Variants in PYGO1 observed in about 807,000 individuals in gnomAD.
PYGO1 encodes pygopus family PHD finger 1, also known as pygopus homolog 1.
In PYGO1, 6 loss-of-function variants were observed where a neutral mutation model predicts 29.5. The ratio of observed to expected loss-of-function variants is 0.20; its 90% CI spans 0.11 to 0.40. The LOEUF (loss-of-function observed/expected upper bound fraction) is 0.40. PYGO1 is among the 10% of genes least tolerant of loss of function. The pLI is 1.00. For synonymous variants in PYGO1, 186 were observed against 180.5 expected (o/e 1.03, Z -0.24); for missense variants, 515 against 514.9 (o/e 1.00, Z 0.00).
intron 1 of PYGO1, among the ~76,000 whole-genome samples, chr15:55,553,060 C>G (rs916473561): frequency 2.0e-5 from 3 of 152,212 alleles, no homozygotes; most frequent in African/African-American, 7.2e-5. Flanking sequence ...CCTGCTGGCA[C>G]TGGGGAGTCC....
chr15:55,548,935 T>G lies in PYGO1; in HGVS notation c.110A>C (p.Lys37Thr). ...GPGVQLGSPDKKKRKANTQGP... is the reference protein window; with the variant it reads ...GPGVQLGSPDTKKRKANTQGP... Reference sequence around the variant, plus strand: ...CTGTGTATTTGCCTTGCGCTTTTTCTTATCTGGGCTTCCTAGTTGTACACC... The same window carrying G: ...CTGTGTATTTGCCTTGCGCTTTTTCGTATCTGGGCTTCCTAGTTGTACACC... Residue 37 changes from lysine to threonine, a missense_variant, in exon 2 of 3, where the codon AAG becomes ACG. Coordinates refer to ENST00000563719, the MANE Select transcript of PYGO1 (RefSeq NM_001367806.1). 1 of 1,613,116 alleles carries G rather than the reference T, an allele frequency of 6.2e-7. No homozygotes were observed. The highest frequency in any genetic ancestry group is 8.5e-7 in the Non-Finnish European group (1 of 1,179,576).
chr15:55,580,070 G>A (rs1175801425), intron 1 of PYGO1, among the ~76,000 whole-genome samples: 2 of 152,124 alleles, frequency 1.3e-5, no homozygotes, highest in East Asian at 3.9e-4. Context: ...GAGAGTAGGT[G>A]GATGGTATTC....
In PYGO1 at chr15:55,544,288, G is replaced by A. The variant is rs1177336866; in HGVS notation, c.*1735C>T. 2.0e-5 allele frequency: 3 copies of A among 152,124 alleles called. No individual in the cohort carries two copies. Among genetic ancestry groups the A allele is most frequent in the African/African-American group, 7.2e-5 (3 of 41,426 alleles). 9.4% of individuals were successfully genotyped at this position (152,124 alleles called of 1,614,324 possible). Reference sequence around the variant, plus strand: ...GTTTTCTTCCAACAGAATATTAAAGGTCTAACTTTTATAAAATTCATCATT... The same window carrying A: ...GTTTTCTTCCAACAGAATATTAAAGATCTAACTTTTATAAAATTCATCATT... On this transcript the variant is annotated 3_prime_UTR_variant, in exon 3 of 3. Coordinates refer to ENST00000563719, the MANE Select transcript of PYGO1 (RefSeq NM_001367806.1).
At chr15:55,547,415 A>G (rs1367891208) in intron 2 of PYGO1, among the ~76,000 whole-genome samples, 1 of 152,228 alleles carries the variant, frequency 6.6e-6, no homozygotes, top group Non-Finnish European at 1.5e-5. Flanking sequence ...TTCAAAAACC[A>G]AAAGTAGTTA....
chr15:55,554,373 G>A (rs2058893627), intron 1 of PYGO1, among the ~76,000 whole-genome samples: 1 of 151,648 alleles, frequency 6.6e-6, no homozygotes, highest in African/African-American at 2.4e-5. Flanking sequence ...GGAGGCTGAG[G>A]TGGGAGAATG....
At chr15:55,571,061 T>C (rs907951091) in intron 1 of PYGO1, among the ~76,000 whole-genome samples, 37 of 152,056 alleles carry the variant, frequency 2.4e-4, no homozygotes, top group Non-Finnish European at 5.9e-5. Context: ...CATCTACTTT[T>C]AGCTTTTATG....
At chr15:55,558,535 G>T (rs904821146) in intron 1 of PYGO1, among the ~76,000 whole-genome samples, 44 of 151,936 alleles carry the variant, frequency 2.9e-4, no homozygotes, top group African/African-American at 1.1e-3. Flanking sequence ...AGCCCACATT[G>T]CCAAGACAAT....
intron 1 of PYGO1, among the ~76,000 whole-genome samples, chr15:55,557,049 T>C (rs1054036902): frequency 3.3e-5 from 5 of 151,858 alleles, no homozygotes; most frequent in Non-Finnish European, 5.9e-5. Context: ...TACAGCCAAA[T>C]TCTACCAGAG....
chr15:55,583,236 G>T lies in PYGO1; in HGVS notation c.49+4599C>A, dbSNP rs182306392. 3.3e-3 allele frequency among the ~76,000 whole-genome samples: 502 copies of T among 152,086 alleles called. 4 individuals are homozygous for T. Among genetic ancestry groups the T allele is most frequent in the Non-Finnish European group, 6.1e-3 (414 of 67,974 alleles). ...CTACTGGAATGATTGTATAGCACAT[G>T]GTCTATATTTTTTAAACATGTATTG... is the stretch of plus-strand genomic sequence containing the variant. On this transcript the variant is annotated intron_variant, in intron 1 of 2. Coordinates refer to ENST00000563719, the MANE Select transcript of PYGO1 (RefSeq NM_001367806.1).
At chr15:55,554,962 C>T (rs547608876) in intron 1 of PYGO1, among the ~76,000 whole-genome samples, 2 of 152,130 alleles carry the variant, frequency 1.3e-5, no homozygotes, top group South Asian at 2.1e-4. Context: ...GAGAACATCC[C>T]CAACCTAGCA....
chr15:55,582,237 G>C (rs11638846), intron 1 of PYGO1, among the ~76,000 whole-genome samples: 12,643 of 148,834 alleles, frequency 0.085, 680 homozygotes, highest in African/African-American at 0.14. Context: ...TAAGGAGACA[G>C]AAATTCTAGG....
At chr15:55,582,035 G>A (rs984692745) in intron 1 of PYGO1, among the ~76,000 whole-genome samples, 2 of 151,702 alleles carry the variant, frequency 1.3e-5, no homozygotes, top group Admixed American at 1.3e-4. Flanking sequence ...GATGAAATCA[G>A]CCCTCTACTA....
At chr15:55,581,102 T>C (rs1486721157) in intron 1 of PYGO1, among the ~76,000 whole-genome samples, 1 of 152,174 alleles carries the variant, frequency 6.6e-6, no homozygotes, top group African/African-American at 2.4e-5. Context: ...AACACTATGA[T>C]AGAGATAAGC....
chr15:55,574,648 ATGTGTG>A (rs56305536), intron 1 of PYGO1, among the ~76,000 whole-genome samples: 57,029 of 150,802 alleles, frequency 0.38, 13,560 homozygotes, highest in Non-Finnish European at 0.54. Flanking sequence ...TATACTGTAT[ATGTGTG>A]TGTGTGTGTG....
chr15:55,571,401 T>TA (rs1442779924), intron 1 of PYGO1, among the ~76,000 whole-genome samples: 1 of 152,216 alleles, frequency 6.6e-6, no homozygotes, highest in Non-Finnish European at 1.5e-5. Flanking sequence ...TTGGAGAGTT[T>TA]ATCCTATGAT....
chr15:55,573,767 C>T (rs2058989751), intron 1 of PYGO1, among the ~76,000 whole-genome samples: 1 of 152,042 alleles, frequency 6.6e-6, no homozygotes, highest in Non-Finnish European at 1.5e-5. Context: ...GACTGGAAGC[C>T]TTAACAGATA....
chr15:55,561,191 C>A (rs1595986549), intron 1 of PYGO1, among the ~76,000 whole-genome samples: 1 of 152,192 alleles, frequency 6.6e-6, no homozygotes, highest in Admixed American at 6.5e-5. Context: ...CACACACCTA[C>A]AACCATCTGA....
At chr15:55,547,799 G>C (rs1006054357) in intron 2 of PYGO1, among the ~76,000 whole-genome samples, 5 of 152,062 alleles carry the variant, frequency 3.3e-5, no homozygotes, top group African/African-American at 1.2e-4. Flanking sequence ...ATAAAACAGT[G>C]AGAGCCTGTA....
intron 1 of PYGO1, among the ~76,000 whole-genome samples, chr15:55,564,294 T>G (rs568170646): frequency 4.6e-5 from 7 of 152,180 alleles, no homozygotes; most frequent in Non-Finnish European, 8.8e-5. Context: ...GAAAATGTTG[T>G]AAGTAAAAGA....
Sources: allele counts gnomAD v4.1 joint callset (sites outside exome capture counted in the v4.1 genomes callset), GRCh38; gene constraint gnomAD v4.1.1; transcripts MANE v1.5; gene names NCBI Gene and HGNC (gene_info 2026-07-23, HGNC 2026-07-21).